HORMAD2: variants seen among roughly 807,000 people sequenced by gnomAD.
HORMAD2 encodes the protein HORMA domain-containing protein 2.
A neutral mutation model predicts 38.8 loss-of-function variants in HORMAD2; 45 were observed. The observed-to-expected ratio is 1.16, with a 90% CI of 0.91 to 1.49. The LOEUF is 1.49. Ranked by LOEUF, HORMAD2 falls within the 40% of genes most tolerant of loss-of-function variation. The probability of loss-of-function intolerance (pLI) is 0.00; values close to 1 mark genes in which losing one functional copy is unlikely to be tolerated. For missense variants in HORMAD2, 338 were observed against 367.0 expected (o/e 0.92, Z 0.65); for synonymous variants, 126 against 122.8 (o/e 1.03, Z -0.17).
At chr22:30,139,899 A>G (rs1446288431) in intron 10 of HORMAD2, among the ~76,000 whole-genome samples, 1 of 152,062 alleles carries the variant, frequency 6.6e-6, no homozygotes, top group African/African-American at 2.4e-5. Context: ...TTCAGATATT[A>G]ACCCAAGCTT....
At position 30,147,528 on chromosome 22, in the gene HORMAD2, A is replaced by C. The variant is rs185859301; in HGVS notation, c.819+25314A>C. On this transcript the variant is annotated intron_variant, in intron 10 of 10. Coordinates refer to ENST00000336726, the MANE Select transcript of HORMAD2 (RefSeq NM_152510.4). ...AATTATAAAACTTCTGGACGGAAAC[A>C]TGGGATAAAACTTTCAGGAAAAACT... 2.0e-4 allele frequency among the ~76,000 whole-genome samples: 30 copies of C among 152,148 alleles called. No homozygotes were observed. The East Asian group carries it at 5.8e-3, about 30-fold the overall frequency.
At chr22:30,179,094 G>C (rs984513346), downstream of HORMAD2, among the ~76,000 whole-genome samples, 4 of 152,080 alleles carry the variant, frequency 2.6e-5, no homozygotes, top group Admixed American at 6.6e-5. Flanking sequence ...CTAACCATTA[G>C]AGCCAACTTT....
At chr22:30,153,656 C>T (rs1924892785) in intron 10 of HORMAD2, among the ~76,000 whole-genome samples, 1 of 152,158 alleles carries the variant, frequency 6.6e-6, no homozygotes, top group South Asian at 2.1e-4. Context: ...CTCTTTAACC[C>T]ACTTTAATCA....
chr22:30,171,518 A>G (rs1311365318), intron 10 of HORMAD2, among the ~76,000 whole-genome samples: 1 of 152,094 alleles, frequency 6.6e-6, no homozygotes, highest in Non-Finnish European at 1.5e-5. Flanking sequence ...ACTTCTCTCC[A>G]TCTCCACTGC....
intron 10 of HORMAD2, among the ~76,000 whole-genome samples, chr22:30,150,580 G>T (rs928745710): frequency 6.6e-6 from 1 of 152,150 alleles, no homozygotes; most frequent in Non-Finnish European, 1.5e-5. Context: ...AAGAGTGGGG[G>T]AACTATGAAT....
chr22:30,137,258 C>T (rs1923729811), intron 10 of HORMAD2: 2 of 566,098 alleles, frequency 3.5e-6, no homozygotes, highest in South Asian at 3.1e-5. Flanking sequence ...GACAAACTCA[C>T]TTCAAACACA....
Position 30,160,061 on chromosome 22 carries a change from A to G in HORMAD2, c.820-16002A>G, listed in dbSNP as rs112458690. ...CTTACAGCCTACTGCTTGTACCTTTATTTAGCCCTGACTTCATCCTACCTG... is the reference window on the plus strand; with the variant it reads ...CTTACAGCCTACTGCTTGTACCTTTGTTTAGCCCTGACTTCATCCTACCTG... On this transcript the variant is annotated intron_variant, in intron 10 of 10. Coordinates refer to ENST00000336726, the MANE Select transcript of HORMAD2 (RefSeq NM_152510.4). 5.5e-3 allele frequency among the ~76,000 whole-genome samples: 836 copies of G among 151,906 alleles called. 8 individuals are homozygous for G. Among genetic ancestry groups the G allele is most frequent in the African/African-American group, 0.019 (782 of 41,434 alleles).
At chr22:30,143,191 A>G (rs944042150) in intron 10 of HORMAD2, among the ~76,000 whole-genome samples, 1 of 144,170 alleles carries the variant, frequency 6.9e-6, no homozygotes, top group African/African-American at 2.4e-5. Flanking sequence ...AATTTAGTTT[A>G]TTTAAGAGAA....
chr22:30,100,551 A>T (rs2146085905), intron 3 of HORMAD2, among the ~76,000 whole-genome samples: 1 of 152,356 alleles, frequency 6.6e-6, no homozygotes, highest in Middle Eastern at 3.4e-3. Context: ...TAAAGCACCA[A>T]AAGCAATTGC....
rs1925768440 is a variant in HORMAD2, at chr22:30,166,157, T to A, written c.820-9906T>A. On this transcript the variant is annotated intron_variant, in intron 10 of 10. Coordinates refer to ENST00000336726, the MANE Select transcript of HORMAD2 (RefSeq NM_152510.4). ...GAATTTTGATTGAGATTACATTTAT[T>A]TGATGAATTAATCTTGGGAAACTTA... Among the ~76,000 whole-genome samples the A allele has an allele frequency of 2.0e-5, 3 of 152,110 alleles. No homozygotes were observed. The South Asian group carries it at 6.2e-4, about 32-fold the overall frequency.
chr22:30,164,724 G>A (rs1381674272), intron 10 of HORMAD2, among the ~76,000 whole-genome samples: 1 of 152,138 alleles, frequency 6.6e-6, no homozygotes, highest in African/African-American at 2.4e-5. Context: ...AAACTCCTGG[G>A]CTCAGGCGAT....
Position 30,098,838 on chromosome 22 carries a change from C to A in HORMAD2, c.52-14C>A. On this transcript the variant is annotated splice_polypyrimidine_tract_variant and intron_variant, in intron 2 of 10. Transcript: ENST00000336726. ...AATAATACTAATCTTTTTTCACCTCCGTTGTTTTTCCAGGAAACAGTTTTC... is the reference window on the plus strand; with the variant it reads ...AATAATACTAATCTTTTTTCACCTCAGTTGTTTTTCCAGGAAACAGTTTTC... The A allele has an allele frequency of 6.2e-7, 1 of 1,603,544 alleles. No individual in the cohort carries two copies. Among genetic ancestry groups the A allele is most frequent in the South Asian group, 1.1e-5 (1 of 89,442 alleles).
the HORMAD2 span, among the ~76,000 whole-genome samples, chr22:30,183,858 C>CCTA: frequency 1.6e-3 from 250 of 152,308 alleles, 2 homozygotes; most frequent in African/African-American, 5.7e-3. Flanking sequence ...TAAAAGAAAG[C>CCTA]CAGTAGCCTT....
the HORMAD2 span, among the ~76,000 whole-genome samples, chr22:30,191,123 T>G: frequency 6.6e-6 from 1 of 152,152 alleles, no homozygotes; most frequent in African/African-American, 2.4e-5. Flanking sequence ...CTGGTGGTCC[T>G]AAGTTCCTGG....
At chr22:30,090,540 ATTC>A (rs2068663994) in intron 1 of HORMAD2, among the ~76,000 whole-genome samples, 1 of 152,106 alleles carries the variant, frequency 6.6e-6, no homozygotes, top group Non-Finnish European at 1.5e-5. Context: ...CCTGGTTTCA[ATTC>A]TTTTGAATAT....
At chr22:30,153,898 T>C (rs1346176813) in intron 10 of HORMAD2, among the ~76,000 whole-genome samples, 5 of 152,242 alleles carry the variant, frequency 3.3e-5, no homozygotes, top group Non-Finnish European at 7.3e-5. Flanking sequence ...CTTCTCACTA[T>C]CTCACTGCTA....
intron 10 of HORMAD2, among the ~76,000 whole-genome samples, chr22:30,149,521 C>A (rs1360675852): frequency 6.6e-6 from 1 of 152,172 alleles, no homozygotes. Flanking sequence ...TCAGAAACAA[C>A]AATTTTGTCT....
At chr22:30,098,213 C>A (rs900283780) in intron 2 of HORMAD2, among the ~76,000 whole-genome samples, 1 of 152,042 alleles carries the variant, frequency 6.6e-6, no homozygotes, top group African/African-American at 2.4e-5. Flanking sequence ...TAGGCTGTAG[C>A]TGAAGCTATG....
the HORMAD2 span, among the ~76,000 whole-genome samples, chr22:30,203,887 A>G: frequency 6.6e-6 from 1 of 152,282 alleles, no homozygotes; most frequent in East Asian, 1.9e-4. Flanking sequence ...CGTATAGGTT[A>G]ATGTACACGT....
Sources: allele counts gnomAD v4.1 joint callset (sites outside exome capture counted in the v4.1 genomes callset), GRCh38; gene constraint gnomAD v4.1.1; transcripts MANE v1.5; gene names NCBI Gene and HGNC (gene_info 2026-07-23, HGNC 2026-07-21).